Variants in MARCHF1 observed in about 807,000 individuals in gnomAD.
MARCHF1 encodes membrane associated ring-CH-type finger 1.
A neutral mutation model predicts 54.2 loss-of-function variants in MARCHF1; 40 were observed. That is an observed-to-expected ratio of 0.74 (90% CI 0.57 to 0.96). The LOEUF (loss-of-function observed/expected upper bound fraction) is 0.96. Ranked by LOEUF, MARCHF1 falls within the 40% of genes least tolerant of loss-of-function variation. The pLI is 0.00. For synonymous variants in MARCHF1, 236 were observed against 236.3 expected (o/e 1.00, Z 0.01); for missense variants, 586 against 656.5 (o/e 0.89, Z 1.17).
At chr4:163,949,201 C>T (rs1469360201) in intron 3 of MARCHF1, among the ~76,000 whole-genome samples, 1 of 152,218 alleles carries the variant, frequency 6.6e-6, no homozygotes, top group African/African-American at 2.4e-5. Flanking sequence ...CTGCACACAG[C>T]CAAGCATGCC....
intron 1 of MARCHF1, among the ~76,000 whole-genome samples, chr4:164,274,363 G>C (rs539704536): frequency 3.5e-4 from 54 of 152,128 alleles, no homozygotes; most frequent in Admixed American, 2.6e-3. Context: ...AATGGCTTAA[G>C]CCTGCAACAT....
At chr4:163,651,078 T>C (rs1407914013) in intron 5 of MARCHF1, among the ~76,000 whole-genome samples, 2 of 151,916 alleles carry the variant, frequency 1.3e-5, no homozygotes, top group Non-Finnish European at 2.9e-5. Flanking sequence ...AGAAGTTTAG[T>C]TCCAAAATCA....
chr4:163,631,969 C>G (rs1263697984), intron 5 of MARCHF1, among the ~76,000 whole-genome samples: 1 of 151,702 alleles, frequency 6.6e-6, no homozygotes, highest in East Asian at 1.9e-4. Context: ...CACCAACGGC[C>G]AAAAAACACA....
intron 2 of MARCHF1, among the ~76,000 whole-genome samples, chr4:164,067,308 C>T (rs1754751387): frequency 6.6e-6 from 1 of 152,128 alleles, no homozygotes; most frequent in Admixed American, 6.5e-5. Flanking sequence ...AATCTGGAAG[C>T]ATCACACTAC....
rs1477193636 is a variant in MARCHF1, at chr4:163,612,463, G to A, written c.818C>T (p.Pro273Leu). 6.5e-7 allele frequency: 1 copy of A among 1,535,138 alleles called. No homozygotes were observed. Among genetic ancestry groups the A allele is most frequent in the South Asian group, 1.2e-5 (1 of 83,970 alleles). Residue 273 changes from proline (P) to leucine (L), a missense_variant, in exon 7 of 10, where the codon CCT (proline) becomes CTT (leucine). This residue lies in a region of MARCHF1 where 387 missense variants were observed against 394.6 expected (regional missense o/e 0.98). Transcript: ENST00000514618. ...TTTCCTAAGACTTTGCAAGAGCTGA[G>A]GATCTCTGTGGTGATATCTGCCTTT... ...KSKGRYHHRD[P>L]QLLQSLRKNE...
At chr4:163,563,073 T>A (rs766639785) in intron 8 of MARCHF1, among the ~76,000 whole-genome samples, 2 of 152,232 alleles carry the variant, frequency 1.3e-5, no homozygotes, top group Non-Finnish European at 2.9e-5. Flanking sequence ...GTTTGAAAAC[T>A]ACAAATATAT....
intron 3 of MARCHF1, among the ~76,000 whole-genome samples, chr4:163,870,285 T>C (rs1750142517): frequency 6.6e-6 from 1 of 152,122 alleles, no homozygotes; most frequent in Admixed American, 6.6e-5. Flanking sequence ...CATTAAGATG[T>C]GTCTGAAAAA....
chr4:163,591,006 A>T (rs990738414), intron 7 of MARCHF1, among the ~76,000 whole-genome samples: 5 of 151,756 alleles, frequency 3.3e-5, no homozygotes, highest in Non-Finnish European at 7.4e-5. Flanking sequence ...GACTATTAGG[A>T]AGAATTAAAG....
intron 1 of MARCHF1, among the ~76,000 whole-genome samples, chr4:164,326,456 T>C (rs1461787410): frequency 2.0e-5 from 3 of 152,152 alleles, no homozygotes; most frequent in Non-Finnish European, 4.4e-5. Flanking sequence ...CAGGTAATCA[T>C]CAAAACAGGA....
At chr4:164,127,982 T>C (rs1194809151) in intron 1 of MARCHF1, among the ~76,000 whole-genome samples, 1 of 152,082 alleles carries the variant, frequency 6.6e-6, no homozygotes, top group African/African-American at 2.4e-5. Context: ...GTAGATAAAA[T>C]AGGATAGTAC....
intron 1 of MARCHF1, among the ~76,000 whole-genome samples, chr4:164,378,115 G>A (rs754980893): frequency 6.6e-6 from 1 of 152,230 alleles, no homozygotes; most frequent in South Asian, 2.1e-4. Flanking sequence ...ATTACAGATG[G>A]AAGAAGTACC....
intron 2 of MARCHF1, among the ~76,000 whole-genome samples, chr4:163,998,746 T>A (rs531963838): frequency 3.0e-4 from 46 of 151,864 alleles, no homozygotes; most frequent in Non-Finnish European, 3.1e-4. Flanking sequence ...TATCTTAATG[T>A]TCTCCAGCTT....
intron 1 of MARCHF1, among the ~76,000 whole-genome samples, chr4:164,138,726 C>A (rs1756456983): frequency 1.3e-5 from 2 of 152,162 alleles, no homozygotes; most frequent in Admixed American, 6.5e-5. Context: ...AGATTCATCA[C>A]CTCATGTGGA....
intron 1 of MARCHF1, among the ~76,000 whole-genome samples, chr4:164,263,690 G>A (rs1186869144): frequency 8.9e-5 from 10 of 111,948 alleles, no homozygotes; most frequent in East Asian, 2.3e-4. Flanking sequence ...CAAAGGGAAC[G>A]AACAGACACT....
chr4:164,001,160 C>A (rs1002246715), intron 2 of MARCHF1, among the ~76,000 whole-genome samples: 11 of 151,802 alleles, frequency 7.2e-5, no homozygotes, highest in Non-Finnish European at 1.6e-4. Flanking sequence ...ATATAAATTA[C>A]CCTTTAAATT....
chr4:163,653,866 T>C (rs1159583075), intron 5 of MARCHF1, among the ~76,000 whole-genome samples: 12 of 151,716 alleles, frequency 7.9e-5, no homozygotes, highest in Admixed American at 7.3e-4. Context: ...ATATATAATA[T>C]TGGAGTTATA....
chr4:163,903,797 A>G (rs1390028513), intron 3 of MARCHF1, among the ~76,000 whole-genome samples: 1 of 151,892 alleles, frequency 6.6e-6, no homozygotes, highest in African/African-American at 2.4e-5. Context: ...TATTTTTTGT[A>G]GAGATATAGT....
chr4:164,232,452 A>T (rs1732438458), intron 1 of MARCHF1, among the ~76,000 whole-genome samples: 1 of 152,152 alleles, frequency 6.6e-6, no homozygotes, highest in Admixed American at 6.6e-5. Flanking sequence ...TAAGTATATA[A>T]GACAGTGAAC....
chr4:163,832,570 G>T (rs1159572536), intron 4 of MARCHF1, among the ~76,000 whole-genome samples: 2 of 131,090 alleles, frequency 1.5e-5, no homozygotes, highest in Admixed American at 1.7e-4. Flanking sequence ...CTAGCTCAAA[G>T]TTGGATCCAA....
Sources: allele counts gnomAD v4.1 joint callset (sites outside exome capture counted in the v4.1 genomes callset), GRCh38; gene constraint gnomAD v4.1.1; regional missense constraint gnomAD v4.1.1; transcripts MANE v1.5; gene names NCBI Gene and HGNC (gene_info 2026-07-23, HGNC 2026-07-21).